The following RBBP7 variants were observed in gnomAD, a reference collection of about 807,000 sequenced individuals.
The protein encoded by RBBP7 is RB binding protein 7, chromatin remodeling factor, also known as histone-binding protein RBBP7.
RBBP7 carries 5 observed loss-of-function variants against 35.2 expected under a neutral mutation model. The ratio of observed to expected loss-of-function variants is 0.14; its 90% CI spans 0.07 to 0.30. The LOEUF is 0.30. RBBP7 is among the 10% of genes least tolerant of loss of function. RBBP7 has a pLI of 1.00. For missense variants in RBBP7, 155 were observed against 327.5 expected (o/e 0.47, Z 4.07); for synonymous variants, 140 against 118.7 (o/e 1.18, Z -1.17).
intron 5 of RBBP7, among the ~76,000 whole-genome samples, chrX:16,855,995 C>CAAAAAA (rs754398259): frequency 1.9e-4 from 3 of 15,991 alleles, no homozygotes; most frequent in East Asian, 3.0e-3. Context: ...GACCTTGTCT[C>CAAAAAA]AAAAAAAAAA....
chrX:16,869,440 G>A (rs1324003723), intron 1 of RBBP7: 3 of 1,148,037 alleles, frequency 2.6e-6, no homozygotes, highest in Non-Finnish European at 3.5e-6. Context: ...CACCATGTTG[G>A]GTAGTCAATT....
intron 1 of RBBP7, chrX:16,869,435 T>A: frequency 8.7e-7 from 1 of 1,143,417 alleles, no homozygotes; most frequent in Non-Finnish European, 1.2e-6. Flanking sequence ...GCGTACACCA[T>A]GTTGGGTAGT....
chrX:16,860,555 G>T (rs2147523535), intron 3 of RBBP7, among the ~76,000 whole-genome samples: 1 of 108,737 alleles, frequency 9.2e-6, no homozygotes, highest in South Asian at 4.0e-4. Flanking sequence ...AGGTGTGGTG[G>T]CGGGCGCCTG....
intron 10 of RBBP7, 96 bp downstream of exon 10, chrX:16,849,148 G>A: frequency 1.2e-6 from 1 of 821,421 alleles, no homozygotes; most frequent in Non-Finnish European, 1.7e-6. Flanking sequence ...ATCTGCAAGA[G>A]CTAGAATTCG....
At chrX:16,867,372 T>C (rs1930649283) in intron 2 of RBBP7, among the ~76,000 whole-genome samples, 1 of 112,242 alleles carries the variant, frequency 8.9e-6, no homozygotes, top group Non-Finnish European at 1.9e-5. Flanking sequence ...GTAAATTTAG[T>C]TAATACATTT....
chrX:16,867,295 G>A (rs1002985916), intron 2 of RBBP7, among the ~76,000 whole-genome samples: 4 of 111,926 alleles, frequency 3.6e-5, no homozygotes, highest in Non-Finnish European at 7.5e-5. Context: ...TTTAACCCAG[G>A]TCTCTAAGTT....
chrX:16,857,693 A>G lies in RBBP7; in HGVS notation c.498T>C (p.Cys166=). The change falls in exon 5 of 12, where the codon TGT becomes TGC. Residue 166 remains cysteine (C), a synonymous_variant. Transcript: ENST00000380087. ...HPAKPDPSGE[C]NPDLRLRGHQ... ...GACCTCTTAATCTGAGATCAGGATT[A>G]CATTCTCCACTTGGGTCTAAGAAAA... The G allele has an allele frequency of 3.3e-6, 4 of 1,197,696 alleles. No homozygotes were observed. Among genetic ancestry groups the G allele is most frequent in the Non-Finnish European group, 4.5e-6 (4 of 891,486 alleles).
At chrX:16,865,371 C>A (rs1489879885) in intron 2 of RBBP7, among the ~76,000 whole-genome samples, 2 of 112,074 alleles carry the variant, frequency 1.8e-5, no homozygotes. Flanking sequence ...TGGAGTTGAG[C>A]AGGAAAACTA....
At chrX:16,852,969 C>T in intron 6 of RBBP7, 94 bp from the exon 7 acceptor site, 7 of 1,168,971 alleles carry the variant, frequency 6.0e-6, no homozygotes, top group Non-Finnish European at 6.9e-6. Flanking sequence ...ACTAGCTCCA[C>T]TATGTGCTCC....
chrX:16,849,289 T>C lies in RBBP7; in HGVS notation c.1053A>G (p.Glu351=). 1 of 1,209,689 alleles carries C rather than the reference T, an allele frequency of 8.3e-7. No homozygotes were observed. Among genetic ancestry groups the C allele is most frequent in the Admixed American group, 2.2e-5 (1 of 45,964 alleles). The change falls in exon 10 of 12, where the codon GAA becomes GAG. Residue 351 remains glutamate (E), a synonymous_variant. Coordinates refer to ENST00000380087, the MANE Select transcript of RBBP7 (RefSeq NM_002893.4). ...CTTCTGCATCTTCTGCTGATTGTTC[T>C]TCCCCAATTTTACTGTAAGAATAAA... ...LNVWDLSKIG[E]EQSAEDAEDG... is the part of the protein sequence containing the mutation.
chrX:16,857,941 G>C (rs1265687311), intron 4 of RBBP7, among the ~76,000 whole-genome samples: 1 of 111,058 alleles, frequency 9.0e-6, no homozygotes, highest in African/African-American at 3.3e-5. Flanking sequence ...CTACAAATTT[G>C]GGCAGTGGTG....
intron 2 of RBBP7, among the ~76,000 whole-genome samples, chrX:16,867,166 T>A (rs1442790408): frequency 9.0e-6 from 1 of 111,463 alleles, no homozygotes; most frequent in Non-Finnish European, 1.9e-5. Flanking sequence ...ACCAGGCACT[T>A]TAACATGCAT....
At chrX:16,866,522 TCAAAAAAAAA>T (rs1930620753) in intron 2 of RBBP7, among the ~76,000 whole-genome samples, 1 of 13,876 alleles carries the variant, frequency 7.2e-5, no homozygotes, top group Non-Finnish European at 1.1e-4. Flanking sequence ...CGAGACTGTC[TCAAAAAAAAA>T]AAAAAAAAAA....
intron 5 of RBBP7, among the ~76,000 whole-genome samples, chrX:16,854,560 ACT>A (rs1367979517): frequency 9.0e-6 from 1 of 111,120 alleles, no homozygotes; most frequent in African/African-American, 3.3e-5. Context: ...TTAAAATTAA[ACT>A]CTGCCTCTCA....
intron 10 of RBBP7, chrX:16,847,115 C>G (rs1930098542): frequency 9.7e-6 from 1 of 103,238 alleles, no homozygotes; most frequent in Admixed American, 1.0e-4. Context: ...GGTGACAGAA[C>G]CAGACCTTGA....
intron 3 of RBBP7, among the ~76,000 whole-genome samples, chrX:16,861,872 T>C (rs1930483902): frequency 1.8e-5 from 2 of 111,651 alleles, no homozygotes; most frequent in Admixed American, 1.9e-4. Context: ...GATTTTGTGG[T>C]GTGCACCTGG....
chrX:16,857,456 A>G, intron 5 of RBBP7, 138 bp downstream of exon 5: 1 of 993,843 alleles, frequency 1.0e-6, no homozygotes, highest in Non-Finnish European at 1.3e-6. Flanking sequence ...CCATCTCTCT[A>G]AAGTCCTGGG....
chrX:16,853,570 GT>G (rs1434155270), intron 6 of RBBP7, 111 bp downstream of exon 6: 2 of 747,280 alleles, frequency 2.7e-6, no homozygotes, highest in Non-Finnish European at 3.6e-6. Flanking sequence ...ACCTAAAGCT[GT>G]TTTTTAAAGC....
intron 9 of RBBP7, among the ~76,000 whole-genome samples, chrX:16,849,744 A>C (rs1270302157): frequency 9.0e-6 from 1 of 111,070 alleles, no homozygotes; most frequent in African/African-American, 3.3e-5. Flanking sequence ...CTTAGAATTA[A>C]AAGGTGAAAT....
Sources: allele counts gnomAD v4.1 joint callset (sites outside exome capture counted in the v4.1 genomes callset), GRCh38; gene constraint gnomAD v4.1.1; transcripts MANE v1.5; gene names NCBI Gene and HGNC (gene_info 2026-07-23, HGNC 2026-07-21).